The following CLTB variants were observed in gnomAD, a reference collection of about 807,000 sequenced individuals.
CLTB encodes the protein clathrin light chain B.
In CLTB, 10 loss-of-function variants were observed where a neutral mutation model predicts 30.5. The observed-to-expected ratio is 0.33, with a 90% confidence interval of 0.20 to 0.56. The LOEUF (loss-of-function observed/expected upper bound fraction) is 0.56. Ranked by LOEUF, CLTB falls within the 20% of genes least tolerant of loss-of-function variation. The pLI, the probability that CLTB is intolerant of heterozygous loss-of-function variation, is 0.91. For missense variants in CLTB, 261 were observed against 308.3 expected (o/e 0.85, Z 1.15); for synonymous variants, 102 against 120.3 (o/e 0.85, Z 1.00).
intron 2 of CLTB, among the ~76,000 whole-genome samples, chr5:176,408,985 T>C (rs1213341382): frequency 6.6e-6 from 1 of 152,246 alleles, no homozygotes; most frequent in African/African-American, 2.4e-5. Context: ...CCTTTAGTTT[T>C]ATTTTTTTGA....
chr5:176,399,690 T>C (rs754092243), intron 2 of CLTB, among the ~76,000 whole-genome samples: 32 of 151,686 alleles, frequency 2.1e-4, no homozygotes, highest in Non-Finnish European at 4.6e-4. Flanking sequence ...GGCCAGGAGT[T>C]TGAGACCAGC....
Position 176,409,038 on chromosome 5 carries a change from G to A in CLTB, c.234+1219C>T, listed in dbSNP as rs900992932. Among the ~76,000 whole-genome samples the A allele has an allele frequency of 5.1e-4, 77 of 152,020 alleles. 2 individuals carry two copies. The highest frequency in any genetic ancestry group is 3.4e-3 in the Middle Eastern group (1 of 292). On this transcript the variant is annotated intron_variant, in intron 2 of 5. Transcript: ENST00000310418. ...GTTGCCCAGGCTGGAGTGCAGTGGC[G>A]TGATCTCGGCTCACCGCAACCTCCC...
chr5:176,415,530 G>GA (rs1757650541), intron 1 of CLTB, among the ~76,000 whole-genome samples: 1 of 152,080 alleles, frequency 6.6e-6, no homozygotes, highest in Non-Finnish European at 1.5e-5. Flanking sequence ...AAAAGGAAAA[G>GA]AAAAAATATA....
intron 4 of CLTB, among the ~76,000 whole-genome samples, chr5:176,396,766 C>T (rs1194548582): frequency 6.6e-6 from 1 of 152,170 alleles, no homozygotes. Context: ...GATCATGTTA[C>T]TCCTGTTCAA....
intron 5 of CLTB, among the ~76,000 whole-genome samples, chr5:176,395,207 A>C (rs1581422961): frequency 6.8e-6 from 1 of 146,988 alleles, no homozygotes; most frequent in Non-Finnish European, 1.5e-5. Flanking sequence ...TTCTCTTCCC[A>C]CCCTCCCTAT....
chr5:176,393,564 T>C lies in CLTB; in HGVS notation c.519-619A>G, dbSNP rs1581419884. ...CTGTGTGCGTCGTGACCCTCCAAGGTGTGTATGTGATGGAATCCACCACAT... is the reference window on the plus strand; with the variant it reads ...CTGTGTGCGTCGTGACCCTCCAAGGCGTGTATGTGATGGAATCCACCACAT... On this transcript the variant is annotated intron_variant, in intron 5 of 5. Transcript: ENST00000310418. This position sits in a 1 kb window ranked among gnomAD's most constrained non-coding sequence, Gnocchi z 4.4. 6.6e-6 allele frequency among the ~76,000 whole-genome samples: 1 copy of C among 152,168 alleles called. No individual in the cohort carries two copies. Among genetic ancestry groups the C allele is most frequent in the East Asian group, 1.9e-4 (1 of 5,194 alleles).
At position 176,393,280 on chromosome 5, in the gene CLTB, G is replaced by A. The variant is rs1756339340; in HGVS notation, c.519-335C>T. Among the ~76,000 whole-genome samples, 1 of 152,146 alleles carries A rather than the reference G, an allele frequency of 6.6e-6. No homozygotes were observed. Among genetic ancestry groups the A allele is most frequent in the Non-Finnish European group, 1.5e-5 (1 of 68,024 alleles). On this transcript the variant is annotated intron_variant, in intron 5 of 5. Transcript: ENST00000310418. The surrounding 1 kb of genome is among the most constrained non-coding windows in gnomAD (Gnocchi z 4.4). ...CCCTCTGTTCATTACTTCCCCATCG[G>A]GAGTTCCCAACCTGAGGTTCCTGAC...
At chr5:176,397,331 C>T (rs1227514007) in intron 4 of CLTB, among the ~76,000 whole-genome samples, 50 of 139,504 alleles carry the variant, frequency 3.6e-4, no homozygotes, top group Non-Finnish European at 1.7e-4. Context: ...CATAGCCCCT[C>T]TCATGTCCCC....
chr5:176,408,824 T>C (rs1268049970), intron 2 of CLTB, among the ~76,000 whole-genome samples: 1 of 152,320 alleles, frequency 6.6e-6, no homozygotes, highest in Non-Finnish European at 1.5e-5. Flanking sequence ...CCGGCTGGGT[T>C]TTCCTCGTTT....
intron 5 of CLTB, among the ~76,000 whole-genome samples, chr5:176,395,490 G>A (rs1289992284): frequency 6.6e-6 from 1 of 152,228 alleles, no homozygotes; most frequent in Non-Finnish European, 1.5e-5. Flanking sequence ...CCTGTGAGAG[G>A]AGGCTTAGCC....
intron 2 of CLTB, among the ~76,000 whole-genome samples, chr5:176,402,024 C>T (rs1026887267): frequency 7.9e-5 from 12 of 152,138 alleles, no homozygotes; most frequent in African/African-American, 1.7e-4. Flanking sequence ...CAAAGGCAGC[C>T]GGGCACGGTG....
intron 2 of CLTB, among the ~76,000 whole-genome samples, chr5:176,400,300 G>A (rs1022318258): frequency 6.6e-6 from 1 of 152,208 alleles, no homozygotes; most frequent in Non-Finnish European, 1.5e-5. Context: ...GAGATATTTA[G>A]AAGAGTGCTT....
At chr5:176,409,967 C>T (rs1757343994) in intron 2 of CLTB, among the ~76,000 whole-genome samples, 1 of 152,202 alleles carries the variant, frequency 6.6e-6, no homozygotes, top group Non-Finnish European at 1.5e-5. Flanking sequence ...GCGCTGCCTT[C>T]ATCTCATGCT....
intron 2 of CLTB, among the ~76,000 whole-genome samples, chr5:176,401,031 C>T (rs925676685): frequency 1.2e-4 from 18 of 152,194 alleles, no homozygotes; most frequent in Non-Finnish European, 1.8e-4. Flanking sequence ...GGCAGCTGGG[C>T]GCCACCCTTA....
chr5:176,414,083 C>T (rs982925943), intron 1 of CLTB, among the ~76,000 whole-genome samples: 10 of 152,166 alleles, frequency 6.6e-5, no homozygotes, highest in Non-Finnish European at 1.5e-4. Flanking sequence ...TCTGGCTGCC[C>T]TCAGCCTGAA....
At chr5:176,402,187 A>C (rs1012900951) in intron 2 of CLTB, among the ~76,000 whole-genome samples, 1 of 152,192 alleles carries the variant, frequency 6.6e-6, no homozygotes, top group Non-Finnish European at 1.5e-5. Context: ...CTGTAATCCC[A>C]GCTACTCAGG....
At chr5:176,400,061 C>T (rs1468382627) in intron 2 of CLTB, among the ~76,000 whole-genome samples, 12 of 151,336 alleles carry the variant, frequency 7.9e-5, no homozygotes, top group African/African-American at 1.5e-4. Flanking sequence ...TGTGGTGGCC[C>T]GCACCTGTAA....
intron 2 of CLTB, among the ~76,000 whole-genome samples, chr5:176,409,434 A>G (rs1182493854): frequency 2.7e-5 from 3 of 113,020 alleles, no homozygotes; most frequent in South Asian, 2.6e-4. Context: ...TTTTTTTCAG[A>G]CAGAGTTTCA....
At chr5:176,412,497 A>G (rs1757495580) in intron 1 of CLTB, among the ~76,000 whole-genome samples, 1 of 152,198 alleles carries the variant, frequency 6.6e-6, no homozygotes, top group East Asian at 1.9e-4. Context: ...GCCTGCTGTT[A>G]TCTGCAAGGC....
Sources: allele counts gnomAD v4.1 joint callset (sites outside exome capture counted in the v4.1 genomes callset), GRCh38; gene constraint gnomAD v4.1.1; non-coding constraint Gnocchi (gnomAD v3.1); transcripts MANE v1.5; gene names NCBI Gene and HGNC (gene_info 2026-07-23, HGNC 2026-07-21).